PLEKHH3: variants seen among roughly 807,000 people sequenced by gnomAD.
PLEKHH3 encodes the protein pleckstrin homology domain-containing family H member 3.
PLEKHH3 carries 57 observed loss-of-function variants against 77.8 expected under a neutral mutation model. The observed-to-expected ratio is 0.73, with a 90% CI of 0.59 to 0.91. The LOEUF is 0.91. PLEKHH3 is among the 40% of genes least tolerant of loss of function. PLEKHH3 has a pLI of 0.00. For synonymous variants in PLEKHH3, 467 were observed against 504.8 expected (o/e 0.93, Z 1.00); for missense variants, 1,082 against 1,091.2 (o/e 0.99, Z 0.12).
Position 42,676,766 on chromosome 17 carries a change from C to T in PLEKHH3, c.-203G>A, listed in dbSNP as rs900419070. ...CGCTGAGGGGGGCTCAGTGTCTGGG[C>T]CCCCGGAGGGGGGAGGGGGAAAAGC... On this transcript the variant is annotated 5_prime_UTR_variant, in exon 1 of 13. Coordinates refer to ENST00000591022, the MANE Select transcript of PLEKHH3 (RefSeq NM_024927.5). This position sits in a 1 kb window ranked among gnomAD's most constrained non-coding sequence, Gnocchi z 6.6. 15 of 606,212 alleles carry T rather than the reference C, an allele frequency of 2.5e-5. No homozygotes were observed. In the African/African-American group the frequency reaches 2.6e-4, roughly 11 times the overall value. 37.6% of individuals were successfully genotyped at this position (606,212 alleles called of 1,614,324 possible).
chr17:42,673,864 T>C, intron 3 of PLEKHH3, 30 bp from the exon 4 acceptor site: 2 of 1,607,762 alleles, frequency 1.2e-6, no homozygotes, highest in Non-Finnish European at 1.7e-6. Flanking sequence ...GGAAGGGACA[T>C]CAGTAGAGAC....
chr17:42,668,821 G>GTTA (rs1380566337), intron 12 of PLEKHH3: 3 of 15,962 alleles, frequency 1.9e-4, no homozygotes, highest in African/African-American at 4.5e-4. Context: ...ATTTTTTTTT[G>GTTA]TTGTTGTTGT....
intron 11 of PLEKHH3, 145 bp from the exon 12 acceptor site, chr17:42,669,766 G>A: frequency 4.7e-6 from 7 of 1,489,654 alleles, no homozygotes; most frequent in Non-Finnish European, 6.4e-6. Flanking sequence ...CTCCAGGGAT[G>A]TGAGGGCCCA....
Position 42,676,659 on chromosome 17 carries a change from A to T in PLEKHH3, c.-96T>A. 4.1e-6 allele frequency: 5 copies of T among 1,223,112 alleles called. No individual in the cohort carries two copies. Among genetic ancestry groups the T allele is most frequent in the Non-Finnish European group, 5.8e-6 (5 of 864,526 alleles). 75.8% of individuals were successfully genotyped at this position (1,223,112 alleles called of 1,614,324 possible). A position where few individuals can be genotyped will look rare whatever the true frequency, so the allele number is the denominator to read the frequency against. ...GGGCTCCGACCCGAGCAGGGGAAAGATGAGGTGGGAGGAGCAGAAGGGAGA... is the reference window on the plus strand; with the variant it reads ...GGGCTCCGACCCGAGCAGGGGAAAGTTGAGGTGGGAGGAGCAGAAGGGAGA... On this transcript the variant is annotated 5_prime_UTR_variant, in exon 1 of 13. Transcript: ENST00000591022. This position sits in a 1 kb window ranked among gnomAD's most constrained non-coding sequence, Gnocchi z 6.6.
rs1190630469 is a variant in PLEKHH3 at position 42,676,116 on chromosome 17, G to A, written c.162+286C>T. ...GACGGGATGGGACGCGGGCCCAGCG[G>A]GGAAGGGAGAGGCAGGGCCAGGTCG... On this transcript the variant is annotated intron_variant, in intron 1 of 12. Transcript: ENST00000591022. This position sits in a 1 kb window ranked among gnomAD's most constrained non-coding sequence, Gnocchi z 6.6. 4 of 1,287,608 alleles carry A rather than the reference G, an allele frequency of 3.1e-6. No individual in the cohort carries two copies. The highest frequency in any genetic ancestry group is 3.8e-5 in the Admixed American group (1 of 26,176). 79.8% of individuals were successfully genotyped at this position (1,287,608 alleles called of 1,614,324 possible). A position where few individuals can be genotyped will look rare whatever the true frequency, so the allele number is the denominator to read the frequency against.
rs2052754538 is a variant in PLEKHH3, at chr17:42,673,675, A to G, written c.458T>C (p.Val153Ala). Reference protein sequence around the residue: ...GSLVLTSLCSVTGPERRRKET... With the variant: ...GSLVLTSLCSATGPERRRKET... ...CTTACGCCTGCGCTCTGGGCCGGTC[A>G]CCGAGCACAGGCTGGTGAGCACGAG... The change falls in exon 4 of 13, where the codon GTG becomes GCG. Residue 153 changes from valine (V) to alanine (A), a missense_variant. Transcript: ENST00000591022. The G allele has an allele frequency of 6.2e-7, 1 of 1,602,518 alleles. No homozygotes were observed.
rs751005674 is a variant in PLEKHH3, at chr17:42,668,159, G to A, written c.2350C>T (p.Gln784Ter). 2.0e-6 allele frequency: 3 copies of A among 1,498,924 alleles called. No homozygotes were observed. The highest frequency in any genetic ancestry group is 5.2e-5 in the Admixed American group (2 of 38,736). 92.9% of individuals were successfully genotyped at this position (1,498,924 alleles called of 1,614,324 possible). ...QRPGLDEPQG[Q>*]SGCLGQLQD ...TGCAGCTGCCCCAAGCAGCCAGACT[G>A]TCCCTGGGGCTCGTCCAGGCCCGGG... The change falls in exon 13 of 13, where the codon CAG (glutamine) becomes TAG (stop). Residue 784 changes from glutamine to a stop codon, truncating the protein, a stop_gained. Coordinates refer to ENST00000591022, the MANE Select transcript of PLEKHH3 (RefSeq NM_024927.5). LOFTEE classifies it high-confidence loss of function.
chr17:42,670,662 C>T lies in PLEKHH3; in HGVS notation c.1465G>A (p.Gly489Arg), dbSNP rs547679667. Residue 489 changes from glycine (G) to arginine (R), a missense_variant, in exon 10 of 13, where the codon GGG becomes AGG. Physicochemically the swap from Gly to Arg is moderately radical, Grantham distance 125. This residue lies in a region of PLEKHH3 where 733 missense variants were observed against 750.0 expected (regional missense o/e 0.98). Coordinates refer to ENST00000591022, the MANE Select transcript of PLEKHH3 (RefSeq NM_024927.5). ...TGAAGACGCAGACATAGTCTCCACC[C>T]GGAGTCGGGCGAGTCCTCCAACCCA... The part of the protein sequence containing the change: ...EAGLEDSPDS[G>R]WRLCLRLHGP... 1.9e-6 allele frequency: 3 copies of T among 1,613,098 alleles called. No homozygotes were observed. The highest frequency in any genetic ancestry group is 1.7e-4 in the Middle Eastern group (1 of 6,058).
Position 42,670,666 on chromosome 17 carries a change from G to A in PLEKHH3, c.1461C>T (p.Asp487=), listed in dbSNP as rs150240140. 3.0e-5 allele frequency: 48 copies of A among 1,613,000 alleles called. No individual in the cohort carries two copies. Among genetic ancestry groups the A allele is most frequent in the Non-Finnish European group, 3.9e-5 (46 of 1,179,848 alleles). The change falls in exon 10 of 13, where the codon GAC becomes GAT. Residue 487 remains aspartate, a synonymous_variant. Transcript: ENST00000591022. The part of the protein sequence containing the change: ...AEEAGLEDSP[D]SGWRLCLRLH... ...GACGCAGACATAGTCTCCACCCGGA[G>A]TCGGGCGAGTCCTCCAACCCAGCTT...
At chr17:42,674,266 T>C in intron 2 of PLEKHH3, 88 bp downstream of exon 2, 1 of 1,435,034 alleles carries the variant, frequency 7.0e-7, no homozygotes, top group Non-Finnish European at 9.4e-7. Context: ...TCTCCCTTAT[T>C]GCACAACCGC....
rs2052659099 is a variant in PLEKHH3, at chr17:42,670,235, G to A, written c.1696C>T (p.Pro566Ser). The change falls in exon 11 of 13, where the codon CCG (proline) becomes TCG (serine). Residue 566 changes from proline to serine, a missense_variant. By Grantham distance (74) the Pro-to-Ser change is moderately conservative. Coordinates refer to ENST00000591022, the MANE Select transcript of PLEKHH3 (RefSeq NM_024927.5). ...GGCGGGTCTTCGCGCGGCGGGGCCG[G>A]GGGCGGGAGCAGGCGGTCCAGGCGG... ...LPRLDRLLPP[P>S]APPREDPPRP... is the part of the protein sequence containing the mutation. 3.3e-6 allele frequency: 4 copies of A among 1,224,950 alleles called. No homozygotes were observed. Among genetic ancestry groups the A allele is most frequent in the Admixed American group, 4.3e-5 (1 of 23,034 alleles). The allele number at this position is 1,224,950 out of a possible 1,614,324, so 75.9% of individuals were successfully genotyped here.
chr17:42,670,197 G>A lies in PLEKHH3; in HGVS notation c.1734C>T (p.Pro578=). 9 of 1,208,724 alleles carry A rather than the reference G, an allele frequency of 7.4e-6. No homozygotes were observed. Among genetic ancestry groups the A allele is most frequent in the Non-Finnish European group, 9.2e-6 (9 of 974,944 alleles). 74.9% of individuals were successfully genotyped at this position (1,208,724 alleles called of 1,614,324 possible). A position where few individuals can be genotyped will look rare whatever the true frequency, so the allele number is the denominator to read the frequency against. The change falls in exon 11 of 13, where the codon CCC becomes CCT. Residue 578 remains proline, a synonymous_variant. Transcript: ENST00000591022. ...GCAGGGCAGCGGAAGGGGGCGGCCT[G>A]GGGGTCGGGCGGGGCGGGTCTTCGC... The part of the protein sequence containing the change: ...PPREDPPRPT[P]RPPPSAALLA...
chr17:42,676,373 A>G lies in PLEKHH3; in HGVS notation c.162+29T>C, dbSNP rs2052827635. 4 of 1,610,974 alleles carry G rather than the reference A, an allele frequency of 2.5e-6. No individual in the cohort carries two copies. Among genetic ancestry groups the G allele is most frequent in the Non-Finnish European group, 3.4e-6 (4 of 1,178,716 alleles). On this transcript the variant is annotated intron_variant, in intron 1 of 12. Transcript: ENST00000591022. The surrounding 1 kb of genome is among the most constrained non-coding windows in gnomAD (Gnocchi z 6.6). ...CGGCCGGTTACAGCGAGAGTGATTG[A>G]GACGAGGCTCCGAACCCCCGGGACT...
chr17:42,674,159 G>A, intron 2 of PLEKHH3, 146 bp from the exon 3 acceptor site: 2 of 1,104,502 alleles, frequency 1.8e-6, no homozygotes, highest in Non-Finnish European at 2.6e-6. Context: ...TTCTGACCTC[G>A]AACCAGAAAT....
In PLEKHH3 at chr17:42,671,115, C is replaced by A; in HGVS notation, c.1300G>T (p.Val434Leu). The A allele has an allele frequency of 6.3e-7, 1 of 1,589,028 alleles. No homozygotes were observed. The highest frequency in any genetic ancestry group is 8.6e-7 in the Non-Finnish European group (1 of 1,167,020). The change falls in exon 9 of 13, where the codon GTG becomes TTG. Residue 434 changes from valine to leucine, a missense_variant. This residue lies in a region of PLEKHH3 where 733 missense variants were observed against 750.0 expected (regional missense o/e 0.98). Transcript: ENST00000591022. The surrounding 1 kb of genome is among the most constrained non-coding windows in gnomAD (Gnocchi z 4.7). ...CTCCGGGCCAAGCCCAGCCGCCCCA[C>A]CAGCTCTCGAGCCACCTAGAAGAGG... is the stretch of plus-strand genomic sequence containing the variant. The part of the protein sequence containing the change: ...TTAGEVAREL[V>L]GRLGLARSRN...
At chr17:42,672,034 C>T (rs774205575) in intron 7 of PLEKHH3, 52 bp downstream of exon 7, 3 of 1,403,528 alleles carry the variant, frequency 2.1e-6, no homozygotes, top group Non-Finnish European at 2.8e-6. Flanking sequence ...TCATTCTCTC[C>T]CAGCCCGGTA....
intron 10 of PLEKHH3, 85 bp from the exon 11 acceptor site, chr17:42,670,461 T>G: frequency 6.6e-7 from 1 of 1,513,020 alleles, no homozygotes; most frequent in Non-Finnish European, 8.8e-7. Context: ...CAGGTCTAGG[T>G]TCCAGTCAAG....
At position 42,669,629 on chromosome 17, in the gene PLEKHH3, CAG is replaced by C. The variant is rs755700699; in HGVS notation, c.2014-10_2014-9del. 1.9e-6 allele frequency: 3 copies of C among 1,595,680 alleles called. No individual in the cohort carries two copies. In the South Asian group the frequency reaches 3.3e-5, roughly 18 times the overall value. On this transcript the variant is annotated splice_polypyrimidine_tract_variant and intron_variant, in intron 11 of 12. Coordinates refer to ENST00000591022, the MANE Select transcript of PLEKHH3 (RefSeq NM_024927.5). ...AGCACCCCGACCAGGCTCCTGCAGACAGAGAGGCAGAGTCAGGGTGGAAGGAG... is the reference window on the plus strand; with the variant it reads ...AGCACCCCGACCAGGCTCCTGCAGACAGAGGCAGAGTCAGGGTGGAAGGAG...
Position 42,676,327 on chromosome 17 carries a change from G to A in PLEKHH3, c.162+75C>T, listed in dbSNP as rs775578695. 1 of 1,587,162 alleles carries A rather than the reference G, an allele frequency of 6.3e-7. No individual in the cohort carries two copies. The highest frequency in any genetic ancestry group is 8.6e-7 in the Non-Finnish European group (1 of 1,164,762). On this transcript the variant is annotated intron_variant, in intron 1 of 12. Coordinates refer to ENST00000591022, the MANE Select transcript of PLEKHH3 (RefSeq NM_024927.5). The surrounding 1 kb of genome is among the most constrained non-coding windows in gnomAD (Gnocchi z 6.6). Reference sequence around the variant, plus strand: ...GCCAAGCGCGCAGCGTGTGGCTGGAGGCTGGAGCGGATCAGCGTGACGGCC... The same window carrying A: ...GCCAAGCGCGCAGCGTGTGGCTGGAAGCTGGAGCGGATCAGCGTGACGGCC...
Sources: gnomAD v4.1 joint callset for allele counts on GRCh38, gnomAD v4.1.1 for gene constraint, gnomAD v4.1.1 regional missense constraint, Gnocchi (gnomAD v3.1) non-coding constraint, MANE v1.5 for transcripts, NCBI Gene and HGNC (gene_info 2026-07-23, HGNC 2026-07-21) for gene names.